The following NSFL1C variants were observed in gnomAD, a reference collection of about 807,000 sequenced individuals.
NSFL1C encodes NSFL1 cofactor, also known as NSFL1 cofactor p47.
A neutral mutation model predicts 43.1 loss-of-function variants in NSFL1C; 14 were observed. That is an observed-to-expected ratio of 0.32 (90% CI 0.21 to 0.51). The LOEUF is 0.51. Among genes scored for constraint, NSFL1C ranks in the 20% least tolerant of loss-of-function variants. NSFL1C has a pLI of 0.98. For missense variants in NSFL1C, 406 were observed against 472.5 expected, an observed-to-expected ratio of 0.86 and a Z score of 1.30; for synonymous variants, 171 against 183.5, an observed-to-expected ratio of 0.93 and a Z score of 0.55.
At position 1,462,354 on chromosome 20, in the gene NSFL1C, G is replaced by A. The variant is rs543260187; in HGVS notation, c.203+1975C>T. ...AAGGACAAACCATGCAACACACTGC[G>A]CCCTCCTCCCTCCCTTTTTCTTGTC... On this transcript the variant is annotated intron_variant, in intron 2 of 8. Coordinates refer to ENST00000216879, the MANE Select transcript of NSFL1C (RefSeq NM_016143.5). Among the ~76,000 whole-genome samples, 125 of 152,198 alleles carry A rather than the reference G, an allele frequency of 8.2e-4. 1 individual carries two copies. Among genetic ancestry groups the A allele is most frequent in the Non-Finnish European group, 1.5e-3 (104 of 68,014 alleles).
intron 2 of NSFL1C, among the ~76,000 whole-genome samples, chr20:1,458,902 C>G (rs1244710951): frequency 1.3e-5 from 2 of 149,988 alleles, no homozygotes; most frequent in Non-Finnish European, 3.0e-5. Context: ...GCAGGTTAGT[C>G]AAGAAGTATT....
intron 1 of NSFL1C, among the ~76,000 whole-genome samples, chr20:1,465,528 T>A (rs1312577506): frequency 6.6e-6 from 1 of 152,200 alleles, no homozygotes; most frequent in South Asian, 2.1e-4. Context: ...GGCTTCCCAT[T>A]GTGTCTAGGT....
At chr20:1,449,589 G>A (rs545442185) in intron 7 of NSFL1C, among the ~76,000 whole-genome samples, 64 of 152,304 alleles carry the variant, frequency 4.2e-4, no homozygotes, top group African/African-American at 1.3e-3. Context: ...CCCAGTGAGC[G>A]GCTGGCCATC....
At chr20:1,446,533 G>A (rs2090063392) in intron 7 of NSFL1C, among the ~76,000 whole-genome samples, 1 of 152,182 alleles carries the variant, frequency 6.6e-6, no homozygotes, top group Non-Finnish European at 1.5e-5. Context: ...ACATGGACCA[G>A]GGTTTGAATT....
chr20:1,464,466 C>T, intron 1 of NSFL1C, 40 bp from the exon 2 acceptor site: 1 of 1,520,242 alleles, frequency 6.6e-7, no homozygotes, highest in Non-Finnish European at 9.1e-7. Flanking sequence ...CTTAAACAGG[C>T]CTTCACCTAA....
intron 7 of NSFL1C, among the ~76,000 whole-genome samples, chr20:1,451,716 G>C (rs1299681144): frequency 6.6e-6 from 1 of 152,204 alleles, no homozygotes; most frequent in African/African-American, 2.4e-5. Flanking sequence ...CCTATGGGCT[G>C]GCCAAGAGTC....
chr20:1,466,594 A>G, intron 1 of NSFL1C, 126 bp downstream of exon 1: 1 of 856,356 alleles, frequency 1.2e-6, no homozygotes, highest in South Asian at 1.7e-5. Flanking sequence ...CGGGACCATG[A>G]GGCCTGGGTC....
At chr20:1,451,771 C>G (rs554772110) in intron 7 of NSFL1C, among the ~76,000 whole-genome samples, 2 of 152,294 alleles carry the variant, frequency 1.3e-5, no homozygotes, top group African/African-American at 4.8e-5. Context: ...ATTAACCAAT[C>G]AGATATCATC....
In NSFL1C at chr20:1,443,489, C is replaced by A. The variant is rs1445921714; in HGVS notation, c.*260G>T. ...CTTCAGTGGGAGAGTTTCCGTACAACATGCTGGTGATATTCCTTCAATTTT... is the reference window on the plus strand; with the variant it reads ...CTTCAGTGGGAGAGTTTCCGTACAAAATGCTGGTGATATTCCTTCAATTTT... On this transcript the variant is annotated 3_prime_UTR_variant, in exon 9 of 9. Coordinates refer to ENST00000216879, the MANE Select transcript of NSFL1C (RefSeq NM_016143.5). 1 of 357,176 alleles carries A rather than the reference C, an allele frequency of 2.8e-6. No individual in the cohort carries two copies. The highest frequency in any genetic ancestry group is 4.1e-5 in the Admixed American group (1 of 24,270). 22.1% of individuals were successfully genotyped at this position (357,176 alleles called of 1,614,324 possible).
Position 1,445,766 on chromosome 20 carries a change from T to G in NSFL1C, c.850A>C (p.Ser284Arg), listed in dbSNP as rs138246411. Residue 284 changes from serine to arginine, a missense_variant, in exon 8 of 9, where the codon AGC (serine) becomes CGC (arginine). Ser to Arg is a moderately radical substitution (Grantham distance 110). Coordinates refer to ENST00000216879, the MANE Select transcript of NSFL1C (RefSeq NM_016143.5). ...GATTCGTCGATTAAGATGGAAGAGCTGGCTTTGGCTTCATTTTCTGCCTGT... is the reference window on the plus strand; with the variant it reads ...GATTCGTCGATTAAGATGGAAGAGCGGGCTTTGGCTTCATTTTCTGCCTGT... ...AQQAENEAKA[S>R]SSILIDESEP... 2 of 1,613,920 alleles carry G rather than the reference T, an allele frequency of 1.2e-6. No individual in the cohort carries two copies. The highest frequency in any genetic ancestry group is 1.7e-6 in the Non-Finnish European group (2 of 1,179,992).
intron 7 of NSFL1C, among the ~76,000 whole-genome samples, chr20:1,451,489 G>C (rs1351432726): frequency 6.6e-6 from 1 of 152,172 alleles, no homozygotes; most frequent in Non-Finnish European, 1.5e-5. Context: ...AGAAGGCCTG[G>C]GGTCTTGGCT....
chr20:1,462,790 T>G (rs528656269), intron 2 of NSFL1C, among the ~76,000 whole-genome samples: 361 of 152,302 alleles, frequency 2.4e-3, no homozygotes, highest in Non-Finnish European at 3.5e-3. Context: ...CCCAAAGTGC[T>G]GGGATTACAG....
intron 7 of NSFL1C, among the ~76,000 whole-genome samples, chr20:1,450,239 A>G (rs1457613084): frequency 6.6e-6 from 1 of 152,212 alleles, no homozygotes; most frequent in East Asian, 1.9e-4. Context: ...TTCACAAGAC[A>G]ATGAAAAACA....
intron 1 of NSFL1C, 86 bp downstream of exon 1, chr20:1,466,634 G>C: frequency 7.7e-7 from 1 of 1,305,838 alleles, no homozygotes; most frequent in Non-Finnish European, 1.1e-6. Context: ...ATGACTGTGC[G>C]CTTCGGCCGC....
chr20:1,453,507 A>C (rs2090228237), intron 5 of NSFL1C, among the ~76,000 whole-genome samples: 1 of 152,214 alleles, frequency 6.6e-6, no homozygotes, highest in Non-Finnish European at 1.5e-5. Context: ...CTCATGGACT[A>C]TTCCACAGTC....
chr20:1,454,902 G>A (rs566523125), intron 4 of NSFL1C, 65 bp downstream of exon 4: 2 of 1,535,408 alleles, frequency 1.3e-6, no homozygotes, highest in African/African-American at 2.7e-5. Context: ...CCGGGGTGAA[G>A]AAGGTGGCAT....
chr20:1,464,973 G>T (rs1364224432), intron 1 of NSFL1C, among the ~76,000 whole-genome samples: 2 of 152,170 alleles, frequency 1.3e-5, no homozygotes, highest in East Asian at 3.9e-4. Flanking sequence ...TGTGGAGTCA[G>T]TCCAGGTTGC....
At chr20:1,445,589 G>A (rs2122801333) in intron 8 of NSFL1C, 77 bp downstream of exon 8, 2 of 1,514,926 alleles carry the variant, frequency 1.3e-6, no homozygotes, top group South Asian at 2.4e-5. Context: ...AGGAAGAACG[G>A]CTCTCTGCTT....
intron 6 of NSFL1C, 144 bp from the exon 7 acceptor site, chr20:1,452,774 T>C (rs760298137): frequency 6.9e-6 from 7 of 1,015,158 alleles, no homozygotes; most frequent in Non-Finnish European, 7.2e-6. Flanking sequence ...TGGCTACCTG[T>C]CTGCCTCCAC....
Sources: gnomAD v4.1 joint callset for allele counts (sites outside exome capture counted in the v4.1 genomes callset) on GRCh38, gnomAD v4.1.1 for gene constraint, MANE v1.5 for transcripts, NCBI Gene and HGNC (gene_info 2026-07-23, HGNC 2026-07-21) for gene names.